The following SORBS2 variants were observed in gnomAD, a reference collection of about 807,000 sequenced individuals.
The protein encoded by SORBS2 is sorbin and SH3 domain containing 2.
Under a neutral mutation model 97.7 loss-of-function variants are expected in SORBS2, and 46 were observed. The ratio of observed to expected loss-of-function variants is 0.47; its 90% CI spans 0.37 to 0.60. The LOEUF (loss-of-function observed/expected upper bound fraction) is 0.60. Among genes scored for constraint, SORBS2 ranks in the 20% least tolerant of loss-of-function variants. The pLI is 0.00. For synonymous variants in SORBS2, 476 were observed against 473.4 expected, an observed-to-expected ratio of 1.01 and a Z score of -0.07; for missense variants, 1,316 against 1,282.3, an observed-to-expected ratio of 1.03 and a Z score of -0.40.
intron 1 of SORBS2, among the ~76,000 whole-genome samples, chr4:185,788,922 C>A (rs2099068308): frequency 6.6e-6 from 1 of 152,170 alleles, no homozygotes; most frequent in Non-Finnish European, 1.5e-5. Context: ...CTTCGAGACT[C>A]CAAATTGGAC....
chr4:185,901,901 G>C (rs1284497886), intron 1 of SORBS2, among the ~76,000 whole-genome samples: 9 of 152,138 alleles, frequency 5.9e-5, no homozygotes, highest in Non-Finnish European at 1.3e-4. Flanking sequence ...GAGTTTTGTG[G>C]TTAAAAAGCA....
intron 1 of SORBS2, among the ~76,000 whole-genome samples, chr4:185,846,394 C>T (rs1207192708): frequency 6.6e-6 from 1 of 152,006 alleles, no homozygotes; most frequent in Non-Finnish European, 1.5e-5. Flanking sequence ...GGGCTGGGGT[C>T]AGAAAGAAAA....
chr4:185,829,384 C>T (rs930703102), intron 1 of SORBS2, among the ~76,000 whole-genome samples: 4 of 152,098 alleles, frequency 2.6e-5, no homozygotes, highest in African/African-American at 9.7e-5. Flanking sequence ...AATGCAGATT[C>T]CAGCTATTGA....
In SORBS2 at chr4:185,777,568, T is replaced by C. The variant is rs111289829; in HGVS notation, c.-337-2202A>G. On this transcript the variant is annotated intron_variant, in intron 1 of 20. Coordinates refer to the SORBS2 transcript ENST00000284776. Reference sequence around the variant, plus strand: ...AAACAGGGATAATAATGAGTTGTCATAGGGCTCATAGGAATAATGCACAGA... The same window carrying C: ...AAACAGGGATAATAATGAGTTGTCACAGGGCTCATAGGAATAATGCACAGA... 6.0e-3 allele frequency among the ~76,000 whole-genome samples: 908 copies of C among 152,320 alleles called. 10 individuals carry two copies. Among genetic ancestry groups the C allele is most frequent in the African/African-American group, 0.021 (866 of 41,556 alleles).
intron 1 of SORBS2, among the ~76,000 whole-genome samples, chr4:185,944,832 C>T (rs1177124493): frequency 6.6e-6 from 1 of 152,166 alleles, no homozygotes; most frequent in African/African-American, 2.4e-5. Flanking sequence ...CTTTTCTCTG[C>T]AATCCCATGG....
intron 13 of SORBS2, among the ~76,000 whole-genome samples, chr4:185,590,292 C>T (rs908236755): frequency 1.3e-5 from 2 of 152,100 alleles, no homozygotes; most frequent in Admixed American, 6.5e-5. Flanking sequence ...TGGAGATAGA[C>T]AAAATGTGTC....
chr4:185,928,105 T>C (rs1579536555), intron 1 of SORBS2, among the ~76,000 whole-genome samples: 1 of 134,188 alleles, frequency 7.5e-6, no homozygotes, highest in African/African-American at 2.5e-5. Flanking sequence ...AGAAGAAGCA[T>C]AGAAAAAAAA....
At chr4:185,859,577 C>T (rs934912614) in intron 1 of SORBS2, among the ~76,000 whole-genome samples, 2 of 152,178 alleles carry the variant, frequency 1.3e-5, no homozygotes, top group African/African-American at 4.8e-5. Context: ...TGACCACTCT[C>T]TCTTGTTTGG....
chr4:185,682,708 G>A (rs2097889061), intron 2 of SORBS2, among the ~76,000 whole-genome samples: 1 of 152,054 alleles, frequency 6.6e-6, no homozygotes, highest in Non-Finnish European at 1.5e-5. Flanking sequence ...AAAATATAAT[G>A]GAAGCTTCTT....
intron 1 of SORBS2, among the ~76,000 whole-genome samples, chr4:185,941,375 A>ATT (rs5864965): frequency 6.6e-6 from 1 of 151,756 alleles, no homozygotes; most frequent in East Asian, 1.9e-4. Flanking sequence ...ATGAGGTTAC[A>ATT]TTTTTTTCCT....
At chr4:185,860,982 G>T (rs953567839) in intron 1 of SORBS2, among the ~76,000 whole-genome samples, 4 of 152,190 alleles carry the variant, frequency 2.6e-5, no homozygotes, top group Non-Finnish European at 5.9e-5. Flanking sequence ...AGGGAAAGGG[G>T]TTCTCTGTAG....
intron 4 of SORBS2, among the ~76,000 whole-genome samples, chr4:185,671,009 A>G (rs1465112443): frequency 6.6e-6 from 1 of 152,226 alleles, no homozygotes; most frequent in African/African-American, 2.4e-5. Flanking sequence ...ACGACAGAGC[A>G]GAAACTAAGA....
At chr4:185,707,690 C>T (rs762379014) in intron 2 of SORBS2, among the ~76,000 whole-genome samples, 6 of 152,106 alleles carry the variant, frequency 3.9e-5, no homozygotes, top group African/African-American at 9.7e-5. Context: ...TTAATTGACT[C>T]ACAGTTCCAC....
chr4:185,607,453 G>A lies in SORBS2; in HGVS notation c.2796+4327C>T, dbSNP rs1024602644. 3 of 482,566 alleles carry A rather than the reference G, an allele frequency of 6.2e-6. No individual in the cohort carries two copies. Among genetic ancestry groups the A allele is most frequent in the South Asian group, 5.7e-5 (3 of 52,572 alleles). The allele number at this position is 482,566 out of a possible 1,614,324, so 29.9% of individuals were successfully genotyped here. A position where few individuals can be genotyped will look rare whatever the true frequency, so the allele number is the denominator to read the frequency against. ...GGAGAAATGCAGAAAAGATGCGGTG[G>A]TGAATATGAAAATAATTTTATGTTT... On this transcript the variant is annotated intron_variant, in intron 12 of 14. Transcript: ENST00000418609. The surrounding 1 kb of genome is among the most constrained non-coding windows in gnomAD (Gnocchi z 5.2).
At position 185,741,075 on chromosome 4, in the gene SORBS2, T is replaced by C. The variant is rs73873352; in HGVS notation, c.-198+34152A>G. 4.2e-3 allele frequency among the ~76,000 whole-genome samples: 634 copies of C among 152,174 alleles called. 5 individuals are homozygous for C. The highest frequency in any genetic ancestry group is 0.023 in the East Asian group (117 of 5,158). ...CATGCACTGATTCTCTGGCATAGAC[T>C]CAGACTCCAAAAATATGTCGAGAAA... is the stretch of plus-strand genomic sequence containing the variant. On this transcript the variant is annotated intron_variant, in intron 2 of 20. Transcript: ENST00000284776.
intron 3 of SORBS2, among the ~76,000 whole-genome samples, 165 bp from the exon 13 acceptor site, chr4:185,646,947 C>T (rs1270487016): frequency 6.6e-6 from 1 of 152,162 alleles, no homozygotes; most frequent in Non-Finnish European, 1.5e-5. Flanking sequence ...CCGCCACTGG[C>T]TCCAAAAGTC....
intron 1 of SORBS2, among the ~76,000 whole-genome samples, chr4:185,911,759 T>C (rs73021817): frequency 0.029 from 4,367 of 152,290 alleles, 155 homozygotes; most frequent in South Asian, 0.11. Flanking sequence ...AACTCATTTA[T>C]GTCAGGTCCA....
At chr4:185,922,075 G>T (rs764022534) in intron 1 of SORBS2, among the ~76,000 whole-genome samples, 1 of 152,190 alleles carries the variant, frequency 6.6e-6, no homozygotes, top group Non-Finnish European at 1.5e-5. Context: ...GTGAGCCCCT[G>T]ATTTATTTAC....
intron 1 of SORBS2, among the ~76,000 whole-genome samples, chr4:185,943,520 T>C (rs2099273104): frequency 6.6e-6 from 1 of 152,176 alleles, no homozygotes; most frequent in East Asian, 1.9e-4. Context: ...GGGAACATCA[T>C]TACAATAAAG....
Sources: allele counts gnomAD v4.1 joint callset (sites outside exome capture counted in the v4.1 genomes callset), GRCh38; gene constraint gnomAD v4.1.1; non-coding constraint Gnocchi (gnomAD v3.1); transcripts MANE v1.5; gene names NCBI Gene and HGNC (gene_info 2026-07-23, HGNC 2026-07-21).